Variants in GPR141 observed in about 807,000 individuals in gnomAD.
GPR141 encodes the protein probable G protein-coupled receptor 141.
Under a neutral mutation model 6.8 loss-of-function variants are expected in GPR141, and 6 were observed. The ratio of observed to expected loss-of-function variants is 0.88; its 90% confidence interval spans 0.48 to 1.74. GPR141 has a LOEUF of 1.74. Ranked by LOEUF, GPR141 falls within the 40% of genes most tolerant of loss-of-function variation. GPR141 has a pLI of 0.01. For synonymous variants in GPR141, 140 were observed against 142.3 expected, an observed-to-expected ratio of 0.98 and a Z score of 0.11; for missense variants, 372 against 372.9, an observed-to-expected ratio of 1.00 and a Z score of 0.02.
At chr7:37,704,368 C>T (rs976854884) in intron 2 of GPR141, among the ~76,000 whole-genome samples, 6 of 152,076 alleles carry the variant, frequency 3.9e-5, no homozygotes, top group African/African-American at 7.2e-5. Context: ...CTCACAGTTC[C>T]GCATGGCTGG....
intron 2 of GPR141, among the ~76,000 whole-genome samples, chr7:37,723,433 A>C (rs1420248668): frequency 6.6e-6 from 1 of 152,146 alleles, no homozygotes; most frequent in Non-Finnish European, 1.5e-5. Context: ...AAAAAAGTGA[A>C]TGGCACGGAA....
At chr7:37,698,660 G>A (rs1421094602) in intron 2 of GPR141, among the ~76,000 whole-genome samples, 1 of 152,158 alleles carries the variant, frequency 6.6e-6, no homozygotes, top group Non-Finnish European at 1.5e-5. Context: ...GGGGTATTTG[G>A]TATTTTATGG....
rs529165816 is a variant in GPR141 at position 37,694,803 on chromosome 7, A to AC, written c.-15+9225dup. 5.8e-3 allele frequency among the ~76,000 whole-genome samples: 884 copies of AC among 152,088 alleles called. 14 individuals carry two copies. The highest frequency in any genetic ancestry group is 0.02 in the African/African-American group (821 of 41,470). Reference sequence around the variant, plus strand: ...GCACCAAGCCATTCATGAGGGATCCACCCCCATGACCTTAGCACCTCCTGT... The same window carrying AC: ...GCACCAAGCCATTCATGAGGGATCCACCCCCCATGACCTTAGCACCTCCTGT... On this transcript the variant is annotated intron_variant, in intron 2 of 2. Transcript: ENST00000334425.
rs187108068 is a variant in GPR141 at position 37,727,804 on chromosome 7, C to G, written c.-14-12576C>G. On this transcript the variant is annotated intron_variant, in intron 2 of 2. Coordinates refer to ENST00000334425, the MANE Select transcript of GPR141 (RefSeq NM_001381946.1). ...CCAACTATCCAATCTGTTGCCAAAA[C>G]AAGCTTTCAAAATTGAAATATTAAG... is the stretch of plus-strand genomic sequence containing the variant. Among the ~76,000 whole-genome samples, 480 of 152,290 alleles carry G rather than the reference C, an allele frequency of 3.2e-3. 16 individuals carry two copies. The East Asian group carries it at 0.057, about 18-fold the overall frequency.
At position 37,731,694 on chromosome 7, in the gene GPR141, C is replaced by T. The variant is rs140201913; in HGVS notation, c.-14-8686C>T. 7.5e-3 allele frequency among the ~76,000 whole-genome samples: 1,135 copies of T among 152,302 alleles called. 13 individuals are homozygous for T. Among genetic ancestry groups the T allele is most frequent in the African/African-American group, 0.025 (1,032 of 41,548 alleles). ...GTCTCAATCTCCTGACCTCGTGATC[C>T]GCCCGCCTCGGCCTCCCGAAGTGCG... On this transcript the variant is annotated intron_variant, in intron 2 of 2. Coordinates refer to ENST00000334425, the MANE Select transcript of GPR141 (RefSeq NM_001381946.1).
chr7:37,689,259 A>G (rs573155920), intron 2 of GPR141, among the ~76,000 whole-genome samples: 1 of 152,208 alleles, frequency 6.6e-6, no homozygotes, highest in East Asian at 1.9e-4. Flanking sequence ...CATGGTGAAT[A>G]ATCTTTTTAA....
chr7:37,707,825 A>C (rs983515774), intron 2 of GPR141, among the ~76,000 whole-genome samples: 2 of 152,174 alleles, frequency 1.3e-5, no homozygotes, highest in African/African-American at 4.8e-5. Flanking sequence ...GAAAATAGGA[A>C]TATTCAGTTG....
chr7:37,690,211 T>A lies in GPR141; in HGVS notation c.-15+4628T>A, dbSNP rs77533836. 3.2e-3 allele frequency among the ~76,000 whole-genome samples: 494 copies of A among 152,316 alleles called. 13 individuals carry two copies. In the East Asian group the frequency reaches 0.055, roughly 17 times the overall value. Reference sequence around the variant, plus strand: ...TTTTTGTTTTTGTTTTTAATTTCCATGCATTTTTACGGTTTTGAACATTTC... The same window carrying A: ...TTTTTGTTTTTGTTTTTAATTTCCAAGCATTTTTACGGTTTTGAACATTTC... On this transcript the variant is annotated intron_variant, in intron 2 of 2. Coordinates refer to ENST00000334425, the MANE Select transcript of GPR141 (RefSeq NM_001381946.1).
chr7:37,709,333 T>C (rs1810683138), intron 2 of GPR141, among the ~76,000 whole-genome samples: 1 of 152,238 alleles, frequency 6.6e-6, no homozygotes, highest in Non-Finnish European at 1.5e-5. Flanking sequence ...TTTTCTATTT[T>C]ATTTAATATT....
At chr7:37,728,426 G>A (rs1435695171) in intron 2 of GPR141, among the ~76,000 whole-genome samples, 1 of 152,168 alleles carries the variant, frequency 6.6e-6, no homozygotes, top group African/African-American at 2.4e-5. Flanking sequence ...GGTGCAGGGA[G>A]GGGTTCTGGT....
chr7:37,719,764 T>C (rs557867903), intron 2 of GPR141, among the ~76,000 whole-genome samples: 2 of 152,308 alleles, frequency 1.3e-5, no homozygotes, highest in African/African-American at 4.8e-5. Flanking sequence ...AAATTAGTGA[T>C]TCTCCACCCA....
At chr7:37,715,760 C>A (rs772896826) in intron 2 of GPR141, among the ~76,000 whole-genome samples, 1 of 152,068 alleles carries the variant, frequency 6.6e-6, no homozygotes, top group Non-Finnish European at 1.5e-5. Context: ...CAGGTATTAG[C>A]GTCAGGAGGT....
At chr7:37,716,062 C>A (rs534280335) in intron 2 of GPR141, among the ~76,000 whole-genome samples, 1 of 152,130 alleles carries the variant, frequency 6.6e-6, no homozygotes, top group Non-Finnish European at 1.5e-5. Context: ...TTCAGAATGA[C>A]GTGGATCTTG....
At chr7:37,735,402 C>T (rs1259068355) in intron 2 of GPR141, among the ~76,000 whole-genome samples, 1 of 152,094 alleles carries the variant, frequency 6.6e-6, no homozygotes, top group Non-Finnish European at 1.5e-5. Context: ...AAAAATATAG[C>T]AAAGATGTCA....
At chr7:37,695,166 G>A (rs747566086) in intron 2 of GPR141, among the ~76,000 whole-genome samples, 10 of 152,184 alleles carry the variant, frequency 6.6e-5, no homozygotes, top group Non-Finnish European at 1.2e-4. Context: ...TCCAGGGAAG[G>A]GTGTAACAGC....
chr7:37,724,424 TTA>T (rs1424270277), intron 2 of GPR141, among the ~76,000 whole-genome samples: 1 of 152,158 alleles, frequency 6.6e-6, no homozygotes, highest in South Asian at 2.1e-4. Context: ...GGGGCAATTT[TTA>T]TATGTTACTT....
At chr7:37,688,647 T>G (rs1244246888) in intron 2 of GPR141, among the ~76,000 whole-genome samples, 3 of 152,094 alleles carry the variant, frequency 2.0e-5, no homozygotes, top group Non-Finnish European at 4.4e-5. Flanking sequence ...CTTCCACAAT[T>G]TCAGGTTCTT....
chr7:37,727,900 T>G (rs1308012528), intron 2 of GPR141, among the ~76,000 whole-genome samples: 1 of 152,222 alleles, frequency 6.6e-6, no homozygotes, highest in Non-Finnish European at 1.5e-5. Flanking sequence ...ATCCTTAGAG[T>G]GGCAACATGC....
chr7:37,711,190 C>A (rs1260448425), intron 2 of GPR141, among the ~76,000 whole-genome samples: 1 of 152,130 alleles, frequency 6.6e-6, no homozygotes, highest in African/African-American at 2.4e-5. Context: ...TTTAATATGA[C>A]CAGGAATCAT....
Sources: gnomAD v4.1 joint callset for allele counts (sites outside exome capture counted in the v4.1 genomes callset) on GRCh38, gnomAD v4.1.1 for gene constraint, MANE v1.5 for transcripts, NCBI Gene and HGNC (gene_info 2026-07-23, HGNC 2026-07-21) for gene names.